The following INPP4B variants were observed in gnomAD, a reference collection of about 807,000 sequenced individuals.
The protein encoded by INPP4B is inositol polyphosphate-4-phosphatase type II B, also known as inositol polyphosphate 4-phosphatase type II.
In INPP4B, 55 loss-of-function variants were observed where a neutral mutation model predicts 122.5. The ratio of observed to expected loss-of-function variants is 0.45; its 90% CI spans 0.36 to 0.56. The LOEUF (loss-of-function observed/expected upper bound fraction) is 0.56, where lower values mean the gene tolerates loss of function less well. Among genes scored for constraint, INPP4B ranks in the 20% least tolerant of loss-of-function variants. The probability of loss-of-function intolerance (pLI) is 0.00; values close to 1 mark genes in which losing one functional copy is unlikely to be tolerated. For missense variants in INPP4B, 1,000 were observed against 1,097.7 expected, an observed-to-expected ratio of 0.91 and a Z score of 1.26; for synonymous variants, 403 against 388.7, an observed-to-expected ratio of 1.04 and a Z score of -0.43.
chr4:142,542,595 T>C (rs1367188072), intron 2 of INPP4B, among the ~76,000 whole-genome samples: 2 of 152,204 alleles, frequency 1.3e-5, no homozygotes, highest in African/African-American at 4.8e-5. Context: ...TATTCCAGGA[T>C]TATGGAGTTG....
chr4:142,380,684 ACCT>A (rs1447136167), intron 7 of INPP4B, among the ~76,000 whole-genome samples: 4 of 150,934 alleles, frequency 2.7e-5, no homozygotes, highest in South Asian at 2.1e-4. Flanking sequence ...TTTTTCCCTC[ACCT>A]CCTCATCTAC....
At chr4:142,352,083 T>G (rs1166659345) in intron 7 of INPP4B, among the ~76,000 whole-genome samples, 6 of 151,946 alleles carry the variant, frequency 3.9e-5, no homozygotes, top group Non-Finnish European at 7.4e-5. Context: ...TTCAGTAAAA[T>G]TTTCCAGACA....
intron 1 of INPP4B, among the ~76,000 whole-genome samples, chr4:142,728,953 A>G (rs2150871844): frequency 6.6e-6 from 1 of 152,308 alleles, no homozygotes; most frequent in South Asian, 2.1e-4. Context: ...ACTTATTAAA[A>G]AAAAATCTTA....
At chr4:142,252,969 G>GCCTA (rs1318354597) in intron 11 of INPP4B, among the ~76,000 whole-genome samples, 4 of 152,212 alleles carry the variant, frequency 2.6e-5, no homozygotes, top group African/African-American at 9.6e-5. Context: ...AGATGGTAGA[G>GCCTA]CCTACTACAC....
chr4:142,042,572 ATTTAT>A (rs1748671473), intron 25 of INPP4B, among the ~76,000 whole-genome samples: 1 of 137,914 alleles, frequency 7.3e-6, no homozygotes, highest in Non-Finnish European at 1.6e-5. Context: ...TTATTTATTT[ATTTAT>A]TTTTAGACAG....
intron 7 of INPP4B, among the ~76,000 whole-genome samples, chr4:142,316,502 A>G (rs1487134354): frequency 2.0e-5 from 3 of 151,170 alleles, no homozygotes; most frequent in Non-Finnish European, 4.4e-5. Context: ...TACTACATAT[A>G]TACATATTAG....
chr4:142,536,681 G>C (rs1017468421), intron 2 of INPP4B, among the ~76,000 whole-genome samples: 2 of 152,066 alleles, frequency 1.3e-5, no homozygotes, highest in African/African-American at 2.4e-5. Flanking sequence ...GATGGGAAGG[G>C]GCCATCTCAG....
chr4:142,194,024 T>G (rs1490972896), intron 14 of INPP4B, among the ~76,000 whole-genome samples: 1 of 152,190 alleles, frequency 6.6e-6, no homozygotes, highest in East Asian at 1.9e-4. Context: ...CTTTTCAAAT[T>G]GATTTTGCTA....
At chr4:142,260,712 C>T in intron 10 of INPP4B, 148 bp from the exon 11 acceptor site, 1 of 608,676 alleles carries the variant, frequency 1.6e-6, no homozygotes, top group Non-Finnish European at 2.9e-6. Context: ...CTAGCTCTAT[C>T]TTTACTACAA....
At chr4:142,730,091 G>A (rs1032308593) in intron 1 of INPP4B, among the ~76,000 whole-genome samples, 1 of 151,998 alleles carries the variant, frequency 6.6e-6, no homozygotes. Flanking sequence ...TGTATATTTC[G>A]AGTACACCTT....
chr4:142,306,541 G>A (rs1296784130), intron 8 of INPP4B, among the ~76,000 whole-genome samples: 1 of 152,140 alleles, frequency 6.6e-6, no homozygotes, highest in Non-Finnish European at 1.5e-5. Context: ...TGAGGGTAAT[G>A]GCATCTTTTT....
At chr4:142,096,353 T>C (rs1240106598) in intron 23 of INPP4B, among the ~76,000 whole-genome samples, 2 of 152,174 alleles carry the variant, frequency 1.3e-5, no homozygotes, top group African/African-American at 2.4e-5. Context: ...CGACTGTAAT[T>C]TATGAAGACC....
chr4:142,640,547 A>G (rs1358754235), intron 2 of INPP4B, among the ~76,000 whole-genome samples: 1 of 152,240 alleles, frequency 6.6e-6, no homozygotes, highest in Non-Finnish European at 1.5e-5. Context: ...GGGATATAAC[A>G]TCAACAATTT....
At chr4:142,480,752 G>C (rs529016847) in intron 2 of INPP4B, among the ~76,000 whole-genome samples, 3 of 152,178 alleles carry the variant, frequency 2.0e-5, no homozygotes, top group Admixed American at 2.0e-4. Flanking sequence ...CTGAAGACAA[G>C]AGGATAATCA....
chr4:142,038,945 C>A (rs772841679), intron 25 of INPP4B, among the ~76,000 whole-genome samples: 3 of 152,014 alleles, frequency 2.0e-5, no homozygotes, highest in Non-Finnish European at 4.4e-5. Context: ...GATTGAGTAG[C>A]AGATCAGGGC....
intron 2 of INPP4B, among the ~76,000 whole-genome samples, chr4:142,566,540 G>T (rs1009402421): frequency 6.6e-6 from 1 of 152,146 alleles, no homozygotes; most frequent in African/African-American, 2.4e-5. Flanking sequence ...AGGTATTATT[G>T]AGATATCCTA....
chr4:142,720,770 T>TA (rs1361436730), intron 2 of INPP4B, among the ~76,000 whole-genome samples: 1 of 10,674 alleles, frequency 9.4e-5, no homozygotes, highest in African/African-American at 3.4e-4. Flanking sequence ...AATCTCTCTC[T>TA]CTCTCTCTCT....
intron 15 of INPP4B, among the ~76,000 whole-genome samples, chr4:142,188,518 A>AAAAAAAATATAT (rs1834267141): frequency 9.5e-6 from 1 of 105,096 alleles, no homozygotes; most frequent in African/African-American, 3.3e-5. Flanking sequence ...AAAGAAAAAA[A>AAAAAAAATATAT]ATATATATAG....
At chr4:142,686,360 G>A (rs1208015455) in intron 2 of INPP4B, among the ~76,000 whole-genome samples, 5 of 152,100 alleles carry the variant, frequency 3.3e-5, no homozygotes, top group Admixed American at 1.3e-4. Flanking sequence ...ATGGTGGCAT[G>A]TTGGGTCAAA....
Sources: gnomAD v4.1 joint callset for allele counts (sites outside exome capture counted in the v4.1 genomes callset) on GRCh38, gnomAD v4.1.1 for gene constraint, MANE v1.5 for transcripts, NCBI Gene and HGNC (gene_info 2026-07-23, HGNC 2026-07-21) for gene names.